Variants in ITGA3 observed in about 807,000 individuals in gnomAD.
The protein encoded by ITGA3 is integrin subunit alpha 3.
ITGA3 carries 70 observed loss-of-function variants against 131.1 expected under a neutral mutation model. That is an observed-to-expected ratio of 0.53 (90% CI 0.44 to 0.65). The LOEUF (loss-of-function observed/expected upper bound fraction) is 0.65, where lower values mean the gene tolerates loss of function less well. ITGA3 is among the 30% of genes least tolerant of loss of function. ITGA3 has a pLI of 0.00. For synonymous variants in ITGA3, 537 were observed against 571.6 expected, an observed-to-expected ratio of 0.94 and a Z score of 0.86; for missense variants, 1,098 against 1,388.6, an observed-to-expected ratio of 0.79 and a Z score of 3.33.
rs879313751 is a variant in ITGA3 at position 50,085,725 on chromosome 17, TATATATTA to T, written c.2920-2018_2920-2011del. On this transcript the variant is annotated intron_variant, in intron 23 of 25. Transcript: ENST00000320031. Reference sequence around the variant, plus strand: ...TAGATTATACATTATAGATTTATAATATATATTAGATTATACATTATAGATTTATAATA... The same window carrying T: ...TAGATTATACATTATAGATTTATAATGATTATACATTATAGATTTATAATA... Among the ~76,000 whole-genome samples, 259 of 137,218 alleles carry T rather than the reference TATATATTA, an allele frequency of 1.9e-3. 5 individuals carry two copies. The highest frequency in any genetic ancestry group is 6.5e-3 in the East Asian group (26 of 3,998). 90.0% of individuals were successfully genotyped at this position (137,218 alleles called of 152,430 possible). A position where few individuals can be genotyped will look rare whatever the true frequency, so the allele number is the denominator to read the frequency against.
intron 15 of ITGA3, 121 bp downstream of exon 15, chr17:50,077,242 T>C (rs1908959327): frequency 1.5e-6 from 2 of 1,299,430 alleles, no homozygotes; most frequent in African/African-American, 2.9e-5. Flanking sequence ...GGTCTGGGCC[T>C]TCTTGGGGGC....
rs924110909 is a variant in ITGA3, at chr17:50,064,291, G to T, written c.334+87G>T. The T allele has an allele frequency of 1.6e-4, 230 of 1,475,390 alleles. 2 individuals carry two copies. In the Admixed American group the frequency reaches 3.7e-3, roughly 24 times the overall value. 91.4% of individuals were successfully genotyped at this position (1,475,390 alleles called of 1,614,324 possible). A position where few individuals can be genotyped will look rare whatever the true frequency, so the allele number is the denominator to read the frequency against. On this transcript the variant is annotated intron_variant, in intron 2 of 25. Transcript: ENST00000320031. The surrounding 1 kb of genome is among the most constrained non-coding windows in gnomAD (Gnocchi z 4.4). ...GAGAATGGCCTGGAGGAGATAGAAG[G>T]CTTGTTCACACGGCTTCTAGTCGCT...
intron 6 of ITGA3, 56 bp from the exon 7 acceptor site, chr17:50,071,930 T>G: frequency 6.7e-7 from 1 of 1,488,906 alleles, no homozygotes; most frequent in Admixed American, 1.8e-5. Flanking sequence ...AAACAAGAAC[T>G]ATGCTGCATA....
At chr17:50,087,031 A>G (rs976402922) in intron 23 of ITGA3, 1 of 152,154 alleles carries the variant, frequency 6.6e-6, no homozygotes, top group African/African-American at 2.4e-5. Flanking sequence ...CAGCCTGGGC[A>G]ACAGAGCAAG....
Position 50,083,727 on chromosome 17 carries a change from A to G in ITGA3, c.2919+2319A>G, listed in dbSNP as rs570070666. ...TGACAGAGTGACATCTTGCCTCAAA[A>G]AAAAAAAAAAAAGAAACTAAATGGG... On this transcript the variant is annotated intron_variant, in intron 23 of 25. Coordinates refer to ENST00000320031, the MANE Select transcript of ITGA3 (RefSeq NM_002204.4). Among the ~76,000 whole-genome samples the G allele has an allele frequency of 2.0e-4, 30 of 151,122 alleles. No individual in the cohort carries two copies. In the South Asian group the frequency reaches 6.0e-3, roughly 30 times the overall value.
In ITGA3 at chr17:50,077,429, C is replaced by T; in HGVS notation, c.2121C>T (p.Pro707=). The change falls in exon 16 of 26, where the codon CCC becomes CCT. Residue 707 remains proline (P), a synonymous_variant. Transcript: ENST00000320031. ...NETIFCELGN[P]FKRNQRMELL... is the part of the protein sequence containing the mutation. ...CCATCTTTTGCGAGCTGGGGAACCC[C>T]TTCAAACGGAACCAGAGGGTGAGCA... 6.2e-7 allele frequency: 1 copy of T among 1,614,018 alleles called. No individual in the cohort carries two copies. Among genetic ancestry groups the T allele is most frequent in the Non-Finnish European group, 8.5e-7 (1 of 1,179,864 alleles).
chr17:50,060,204 G>A (rs1011065291), intron 1 of ITGA3, among the ~76,000 whole-genome samples: 2 of 152,180 alleles, frequency 1.3e-5, no homozygotes, highest in African/African-American at 4.8e-5. Flanking sequence ...AGGAGGCTAG[G>A]TACCCAAGGA....
At chr17:50,080,826 G>A (rs75571636) in intron 22 of ITGA3, among the ~76,000 whole-genome samples, 2,086 of 152,130 alleles carry the variant, frequency 0.014, 72 homozygotes, top group African/African-American at 0.048. Flanking sequence ...TCGACTCTGG[G>A]TTGCAATGCC....
At chr17:50,084,230 C>CAAAAAAAAAA (rs61103198) in intron 23 of ITGA3, among the ~76,000 whole-genome samples, 5 of 26,988 alleles carry the variant, frequency 1.9e-4, no homozygotes, top group African/African-American at 3.7e-4. Context: ...GACTCTGTCT[C>CAAAAAAAAAA]AAAAAAAAAA....
chr17:50,087,826 C>T lies in ITGA3; in HGVS notation c.3002C>T (p.Ala1001Val), dbSNP rs895255992. The T allele has an allele frequency of 3.7e-6, 6 of 1,610,364 alleles. No homozygotes were observed. The highest frequency in any genetic ancestry group is 1.1e-5 in the South Asian group (1 of 90,788). Residue 1001 changes from alanine to valine, a missense_variant, in exon 24 of 26, where the codon GCA becomes GTA. Ala to Val is a moderately conservative substitution (Grantham distance 64). Transcript: ENST00000320031. ...TGGCTGGTGCTGGTGGCCGTGGGTGCAGGGCTGCTGCTGCTGGGGCTGATC... is the reference window on the plus strand; with the variant it reads ...TGGCTGGTGCTGGTGGCCGTGGGTGTAGGGCTGCTGCTGCTGGGGCTGATC... ...ELWLVLVAVG[A>V]GLLLLGLIIL...
At chr17:50,087,652 A>C in intron 23 of ITGA3, 92 bp from the exon 24 acceptor site, 1 of 1,431,404 alleles carries the variant, frequency 7.0e-7, no homozygotes, top group Non-Finnish European at 9.5e-7. Flanking sequence ...AGCAGGACAA[A>C]CAGCAGGTGC....
rs776431279 is a variant in ITGA3 at position 50,056,418 on chromosome 17, G to A, written c.-22G>A. ...CCGCGCCCTCACGCGCTCTCGCCGGGACCCCGCTTCCGCTGGCAGCCATGG... is the reference window on the plus strand; with the variant it reads ...CCGCGCCCTCACGCGCTCTCGCCGGAACCCCGCTTCCGCTGGCAGCCATGG... On this transcript the variant is annotated 5_prime_UTR_variant, in exon 1 of 26. Transcript: ENST00000320031. This position sits in a 1 kb window ranked among gnomAD's most constrained non-coding sequence, Gnocchi z 5.6. 9.7e-4 allele frequency: 1,411 copies of A among 1,456,436 alleles called. 3 individuals are homozygous for A. Among genetic ancestry groups the A allele is most frequent in the Non-Finnish European group, 1.2e-3 (1,323 of 1,108,292 alleles). 90.2% of individuals were successfully genotyped at this position (1,456,436 alleles called of 1,614,324 possible).
intron 10 of ITGA3, among the ~76,000 whole-genome samples, chr17:50,074,980 TAGCAC>T (rs1490446630): frequency 6.6e-6 from 1 of 152,244 alleles, no homozygotes; most frequent in African/African-American, 2.4e-5. Flanking sequence ...AGAAAGTCCT[TAGCAC>T]AGCACTGTGT....
In ITGA3 at chr17:50,056,647, T is replaced by C. The variant is rs778281378; in HGVS notation, c.206+2T>C. The C allele has an allele frequency of 6.3e-7, 1 of 1,597,712 alleles. No individual in the cohort carries two copies. Among genetic ancestry groups the C allele is most frequent in the Non-Finnish European group, 8.5e-7 (1 of 1,173,650 alleles). On this transcript the variant is annotated splice_donor_variant, in intron 1 of 25. Coordinates refer to ENST00000320031, the MANE Select transcript of ITGA3 (RefSeq NM_002204.4). LOFTEE classifies it high-confidence loss of function. The surrounding 1 kb of genome is among the most constrained non-coding windows in gnomAD (Gnocchi z 5.6). ...GACAGAGCGGCAGCAGCGCTACCTGTAAGTGAAGCTGGAGGGTGTGGGGTG... is the reference window on the plus strand; with the variant it reads ...GACAGAGCGGCAGCAGCGCTACCTGCAAGTGAAGCTGGAGGGTGTGGGGTG...
rs1907806297 is a variant in ITGA3, at chr17:50,056,369, G to A, written c.-71G>A. 8.7e-7 allele frequency: 1 copy of A among 1,149,248 alleles called. No individual in the cohort carries two copies. The highest frequency in any genetic ancestry group is 1.7e-5 in the African/African-American group (1 of 60,530). 71.2% of individuals were successfully genotyped at this position (1,149,248 alleles called of 1,614,324 possible). On this transcript the variant is annotated 5_prime_UTR_variant, in exon 1 of 26. In the 5' UTR this introduces an upstream ATG that the reference lacks. Transcript: ENST00000320031. This position sits in a 1 kb window ranked among gnomAD's most constrained non-coding sequence, Gnocchi z 5.6. ...TGTCCTCCGGCGGCGCGGGGAGCAGGTGAACAGGTCCTCACGCCCAGCTCC... is the reference window on the plus strand; with the variant it reads ...TGTCCTCCGGCGGCGCGGGGAGCAGATGAACAGGTCCTCACGCCCAGCTCC...
intron 20 of ITGA3, 77 bp from the exon 21 acceptor site, chr17:50,079,358 C>A (rs1381342546): frequency 1.3e-6 from 2 of 1,553,384 alleles, no homozygotes; most frequent in Non-Finnish European, 1.7e-6. Context: ...AGCTGTCTCT[C>A]CTACCCTTTC....
chr17:50,084,983 C>T (rs1038433246), intron 23 of ITGA3, among the ~76,000 whole-genome samples: 1 of 151,850 alleles, frequency 6.6e-6, no homozygotes, highest in Admixed American at 6.6e-5. Flanking sequence ...GAGGCCGAGG[C>T]GGGCAGATCA....
intron 3 of ITGA3, among the ~76,000 whole-genome samples, chr17:50,067,826 C>T (rs1908407844): frequency 6.6e-6 from 1 of 151,982 alleles, no homozygotes; most frequent in African/African-American, 2.4e-5. Context: ...GATCTCTAAG[C>T]CACTCTCAGA....
At chr17:50,081,445 C>A in intron 23 of ITGA3, 37 bp downstream of exon 23, 1 of 1,449,968 alleles carries the variant, frequency 6.9e-7, no homozygotes, top group Non-Finnish European at 9.5e-7. Flanking sequence ...CAGTCTCCAG[C>A]CAGAGCTTGA....
Sources: gnomAD v4.1 joint callset for allele counts (sites outside exome capture counted in the v4.1 genomes callset) on GRCh38, gnomAD v4.1.1 for gene constraint, Gnocchi (gnomAD v3.1) non-coding constraint, MANE v1.5 for transcripts, NCBI Gene and HGNC (gene_info 2026-07-23, HGNC 2026-07-21) for gene names.